The following SLC25A13 variants were observed in gnomAD, a reference collection of about 807,000 sequenced individuals.
SLC25A13 encodes solute carrier family 25 member 13, also known as electrogenic aspartate/glutamate antiporter SLC25A13, mitochondrial.
A neutral mutation model predicts 85.5 loss-of-function variants in SLC25A13; 70 were observed. That is an observed-to-expected ratio of 0.82 (90% CI 0.68 to 1.00). The LOEUF (loss-of-function observed/expected upper bound fraction) is 1.00, where lower values mean the gene tolerates loss of function less well. Ranked by LOEUF, SLC25A13 falls within the 50% of genes least tolerant of loss-of-function variation. SLC25A13 has a pLI of 0.00. For missense variants in SLC25A13, 765 were observed against 819.8 expected (o/e 0.93, Z 0.82); for synonymous variants, 259 against 288.7 (o/e 0.90, Z 1.04).
chr7:96,206,306 T>G (rs1795461891), intron 5 of SLC25A13, among the ~76,000 whole-genome samples: 1 of 152,224 alleles, frequency 6.6e-6, no homozygotes, highest in Non-Finnish European at 1.5e-5. Context: ...GGCGGATACC[T>G]GCCTGACAAA....
At chr7:96,147,713 AT>A (rs1379125025) in intron 13 of SLC25A13, among the ~76,000 whole-genome samples, 1 of 152,220 alleles carries the variant, frequency 6.6e-6, no homozygotes, top group African/African-American at 2.4e-5. Context: ...TAAATATCTA[AT>A]GGTAAGGGAT....
At chr7:96,156,735 C>G (rs776295769) in intron 13 of SLC25A13, among the ~76,000 whole-genome samples, 26 of 152,044 alleles carry the variant, frequency 1.7e-4, no homozygotes, top group Non-Finnish European at 2.2e-4. Flanking sequence ...TTAGTAGAGA[C>G]AGTGTTTCAC....
intron 13 of SLC25A13, among the ~76,000 whole-genome samples, chr7:96,168,906 G>C (rs983922999): frequency 1.3e-5 from 2 of 152,182 alleles, no homozygotes; most frequent in Admixed American, 1.3e-4. Context: ...ATGGAGAGTA[G>C]TTATGGGGAA....
At chr7:96,277,936 C>T (rs371076041) in intron 2 of SLC25A13, among the ~76,000 whole-genome samples, 3 of 152,072 alleles carry the variant, frequency 2.0e-5, no homozygotes, top group African/African-American at 4.8e-5. Flanking sequence ...CTACTAAGTG[C>T]GTGTCATCTT....
chr7:96,213,568 T>G (rs1795781187), intron 4 of SLC25A13, among the ~76,000 whole-genome samples: 2 of 152,192 alleles, frequency 1.3e-5, no homozygotes, highest in Non-Finnish European at 2.9e-5. Flanking sequence ...TACCATTCCC[T>G]GACCATTCCA....
chr7:96,190,141 G>A (rs1464297345), intron 7 of SLC25A13, among the ~76,000 whole-genome samples: 1 of 148,470 alleles, frequency 6.7e-6, no homozygotes, highest in Non-Finnish European at 1.5e-5. Flanking sequence ...CTGGAGTGCA[G>A]TGGTGCAATC....
At chr7:96,291,331 C>G (rs1799110762) in intron 2 of SLC25A13, among the ~76,000 whole-genome samples, 1 of 151,994 alleles carries the variant, frequency 6.6e-6, no homozygotes, top group South Asian at 2.1e-4. Context: ...AAGCAGGAAA[C>G]ATCTAAAATT....
chr7:96,174,262 T>C (rs938596787), intron 11 of SLC25A13, among the ~76,000 whole-genome samples: 2 of 152,186 alleles, frequency 1.3e-5, no homozygotes, highest in African/African-American at 4.8e-5. Flanking sequence ...TCTTGCTAGC[T>C]TGAGTGGGGC....
intron 15 of SLC25A13, among the ~76,000 whole-genome samples, chr7:96,128,224 G>C (rs1791813042): frequency 6.6e-6 from 1 of 151,864 alleles, no homozygotes; most frequent in Non-Finnish European, 1.5e-5. Flanking sequence ...TTTTAATTTT[G>C]ATTTTCAGGT....
At chr7:96,126,843 A>G (rs1204975943) in intron 15 of SLC25A13, among the ~76,000 whole-genome samples, 7 of 152,302 alleles carry the variant, frequency 4.6e-5, no homozygotes, top group African/African-American at 1.4e-4. Context: ...TCTTGATTCA[A>G]TTTCTTCATT....
intron 2 of SLC25A13, among the ~76,000 whole-genome samples, chr7:96,288,777 G>A (rs755309560): frequency 9.2e-5 from 14 of 152,276 alleles, no homozygotes; most frequent in African/African-American, 2.2e-4. Flanking sequence ...CTGGAAGCTC[G>A]AACTGGGTGG....
intron 5 of SLC25A13, 131 bp downstream of exon 5, chr7:96,208,707 A>G (rs1357000240): frequency 4.9e-6 from 5 of 1,019,814 alleles, no homozygotes; most frequent in Admixed American, 1.8e-5. Context: ...GGGTTTCACC[A>G]TGTTGGCCAG....
intron 2 of SLC25A13, among the ~76,000 whole-genome samples, chr7:96,277,984 A>G (rs1048823786): frequency 2.0e-5 from 3 of 152,174 alleles, no homozygotes; most frequent in Non-Finnish European, 4.4e-5. Flanking sequence ...ATGCTGCTCT[A>G]GTTACTGTCC....
At chr7:96,187,116 C>T (rs1794671957) in intron 9 of SLC25A13, among the ~76,000 whole-genome samples, 1 of 152,160 alleles carries the variant, frequency 6.6e-6, no homozygotes, top group Admixed American at 6.5e-5. Context: ...CTGCACTTCT[C>T]TGTCTGCATA....
chr7:96,211,499 T>G (rs941491535), intron 4 of SLC25A13, among the ~76,000 whole-genome samples: 4 of 152,216 alleles, frequency 2.6e-5, no homozygotes, highest in Non-Finnish European at 5.9e-5. Context: ...CATTACATAG[T>G]ATGCATATGT....
chr7:96,264,227 G>T (rs752627616), intron 3 of SLC25A13, among the ~76,000 whole-genome samples: 19 of 152,048 alleles, frequency 1.2e-4, no homozygotes, highest in Non-Finnish European at 4.4e-5. Context: ...ACACTAACTG[G>T]TCTCACTTTA....
intron 13 of SLC25A13, among the ~76,000 whole-genome samples, chr7:96,156,411 C>G (rs1260139615): frequency 6.6e-6 from 1 of 152,114 alleles, no homozygotes; most frequent in Non-Finnish European, 1.5e-5. Flanking sequence ...ATTCTCGTGC[C>G]TCAGCCTCCC....
At chr7:96,265,379 A>G (rs1249088216) in intron 3 of SLC25A13, among the ~76,000 whole-genome samples, 1 of 152,232 alleles carries the variant, frequency 6.6e-6, no homozygotes, top group Non-Finnish European at 1.5e-5. Context: ...TTTAAGTATT[A>G]GGAAGATGAA....
intron 7 of SLC25A13, among the ~76,000 whole-genome samples, chr7:96,190,375 G>A (rs1337554484): frequency 6.6e-6 from 1 of 151,826 alleles, no homozygotes; most frequent in East Asian, 2.0e-4. Flanking sequence ...ACAGGCATGA[G>A]CCACCGCACC....
Sources: gnomAD v4.1 joint callset for allele counts (sites outside exome capture counted in the v4.1 genomes callset) on GRCh38, gnomAD v4.1.1 for gene constraint, MANE v1.5 for transcripts, NCBI Gene and HGNC (gene_info 2026-07-23, HGNC 2026-07-21) for gene names.